Variants in BACH2 observed in about 807,000 individuals in gnomAD.
BACH2 encodes the protein BACH transcriptional regulator 2, also known as transcription regulator protein BACH2.
In BACH2, 5 loss-of-function variants were observed where a neutral mutation model predicts 61.8. That is an observed-to-expected ratio of 0.08 (90% CI 0.04 to 0.17). The LOEUF is 0.17. BACH2 is among the 10% of genes least tolerant of loss of function. The pLI, the probability that BACH2 is intolerant of heterozygous loss-of-function variation, is 1.00. For synonymous variants in BACH2, 446 were observed against 440.1 expected (o/e 1.01, Z -0.17); for missense variants, 824 against 1,091.1 (o/e 0.76, Z 3.45).
At chr6:89,979,997 A>T (rs952330108) in intron 6 of BACH2, among the ~76,000 whole-genome samples, 7 of 152,212 alleles carry the variant, frequency 4.6e-5, no homozygotes, top group African/African-American at 1.7e-4. Context: ...TGTATTAAAA[A>T]TATCTGTTTT....
At chr6:90,052,814 T>C (rs1032546158) in intron 5 of BACH2, among the ~76,000 whole-genome samples, 1 of 152,258 alleles carries the variant, frequency 6.6e-6, no homozygotes, top group African/African-American at 2.4e-5. Flanking sequence ...TGTATTTCTC[T>C]AAACACTGTA....
At chr6:90,132,964 C>A (rs1784127122) in intron 4 of BACH2, among the ~76,000 whole-genome samples, 1 of 152,184 alleles carries the variant, frequency 6.6e-6, no homozygotes, top group African/African-American at 2.4e-5. Context: ...AGGAAGACAG[C>A]TCTGGTCATT....
intron 5 of BACH2, among the ~76,000 whole-genome samples, chr6:90,016,971 G>A (rs1195151949): frequency 6.6e-6 from 1 of 151,826 alleles, no homozygotes; most frequent in Non-Finnish European, 1.5e-5. Context: ...CACTTGTTTT[G>A]AGCAATTTGA....
chr6:89,990,743 C>T (rs1233695257), intron 6 of BACH2, among the ~76,000 whole-genome samples: 1 of 152,138 alleles, frequency 6.6e-6, no homozygotes, highest in East Asian at 1.9e-4. Flanking sequence ...TAACTACTCC[C>T]CTCCTCCTAG....
intron 4 of BACH2, among the ~76,000 whole-genome samples, chr6:90,093,589 T>A (rs1782262106): frequency 6.6e-6 from 1 of 152,224 alleles, no homozygotes; most frequent in African/African-American, 2.4e-5. Context: ...AGCCACATAT[T>A]GTTAGTGGTT....
intron 1 of BACH2, among the ~76,000 whole-genome samples, chr6:90,284,708 T>C (rs767544160): frequency 6.6e-6 from 1 of 151,918 alleles, no homozygotes; most frequent in African/African-American, 2.4e-5. Flanking sequence ...AAAAAACAAC[T>C]TTATACTTGG....
intron 5 of BACH2, among the ~76,000 whole-genome samples, chr6:90,023,955 G>C (rs972093837): frequency 6.6e-5 from 10 of 152,092 alleles, no homozygotes; most frequent in Non-Finnish European, 1.3e-4. Flanking sequence ...CATATACAAA[G>C]GTGGCAAAAC....
chr6:90,175,494 T>G (rs1767955581), intron 4 of BACH2, among the ~76,000 whole-genome samples: 1 of 152,136 alleles, frequency 6.6e-6, no homozygotes, highest in Non-Finnish European at 1.5e-5. Flanking sequence ...AAGGCTTGAC[T>G]TCTCATATTA....
intron 4 of BACH2, among the ~76,000 whole-genome samples, chr6:90,191,617 T>C (rs1768576671): frequency 6.6e-6 from 1 of 152,212 alleles, no homozygotes; most frequent in South Asian, 2.1e-4. Context: ...ATCTGCTTTA[T>C]CTAGACACGT....
intron 3 of BACH2, among the ~76,000 whole-genome samples, chr6:90,230,888 C>T (rs1373370363): frequency 1.3e-5 from 2 of 152,152 alleles, no homozygotes; most frequent in Admixed American, 1.3e-4. Context: ...CTTTAGTTTC[C>T]AGGTTGCTTC....
intron 1 of BACH2, among the ~76,000 whole-genome samples, chr6:90,276,779 T>C (rs1178809229): frequency 2.0e-5 from 3 of 152,122 alleles, no homozygotes; most frequent in African/African-American, 4.8e-5. Context: ...CCTGGGACAA[T>C]GGTCATTTTG....
intron 3 of BACH2, among the ~76,000 whole-genome samples, chr6:90,209,172 T>C (rs933165407): frequency 6.6e-6 from 1 of 152,150 alleles, no homozygotes; most frequent in Non-Finnish European, 1.5e-5. Context: ...CTGAATGTTG[T>C]GCACATGTAT....
At chr6:89,932,969 C>A in intron 8 of BACH2, 79 bp from the exon 9 acceptor site, 2 of 1,452,366 alleles carry the variant, frequency 1.4e-6, no homozygotes. Context: ...GGTTTTCCAG[C>A]CTTTGTTTTG....
At chr6:90,260,166 T>C (rs1771111181) in intron 2 of BACH2, among the ~76,000 whole-genome samples, 2 of 152,236 alleles carry the variant, frequency 1.3e-5, no homozygotes, top group Middle Eastern at 3.2e-3. Flanking sequence ...CTTTCTTCTT[T>C]TCTAATGTAG....
At chr6:89,997,869 TTGTTA>T (rs1776937954) in intron 6 of BACH2, among the ~76,000 whole-genome samples, 1 of 152,154 alleles carries the variant, frequency 6.6e-6, no homozygotes, top group African/African-American at 2.4e-5. Context: ...CCAGTTCTGG[TTGTTA>T]ATGCCACCTC....
chr6:90,098,060 A>G (rs1024292085), intron 4 of BACH2, among the ~76,000 whole-genome samples: 2 of 152,302 alleles, frequency 1.3e-5, no homozygotes, highest in African/African-American at 4.8e-5. Context: ...AGTACATCAC[A>G]GCCTTCCACG....
chr6:90,275,866 G>A (rs1354876864), intron 1 of BACH2, among the ~76,000 whole-genome samples: 2 of 152,050 alleles, frequency 1.3e-5, no homozygotes, highest in Non-Finnish European at 2.9e-5. Flanking sequence ...CTACTTGGGA[G>A]GCTGAGGCAG....
chr6:90,125,080 TTAAAA>T (rs1783790582), intron 4 of BACH2, among the ~76,000 whole-genome samples: 1 of 152,186 alleles, frequency 6.6e-6, no homozygotes, highest in Non-Finnish European at 1.5e-5. Context: ...TTTTGGTTGT[TTAAAA>T]TAACAGTTAT....
At chr6:89,943,582 C>CT (rs1169340078) in intron 7 of BACH2, among the ~76,000 whole-genome samples, 3 of 152,110 alleles carry the variant, frequency 2.0e-5, no homozygotes, top group Admixed American at 1.3e-4. Flanking sequence ...TTCTCTGCAT[C>CT]TTTTTTAGGA....
Sources: allele counts gnomAD v4.1 joint callset (sites outside exome capture counted in the v4.1 genomes callset), GRCh38; gene constraint gnomAD v4.1.1; transcripts MANE v1.5; gene names NCBI Gene and HGNC (gene_info 2026-07-23, HGNC 2026-07-21).